Variants in FRYL observed in about 807,000 individuals in gnomAD.
FRYL encodes FRY like transcription coactivator, also known as protein furry homolog-like.
In FRYL, 150 loss-of-function variants were observed where a neutral mutation model predicts 351.2. The ratio of observed to expected loss-of-function variants is 0.43; its 90% CI spans 0.37 to 0.49. The LOEUF (loss-of-function observed/expected upper bound fraction) is 0.49. Ranked by LOEUF, FRYL falls within the 20% of genes least tolerant of loss-of-function variation. The pLI is 0.00. For synonymous variants in FRYL, 1,153 were observed against 1,257.1 expected (o/e 0.92, Z 1.75); for missense variants, 3,036 against 3,619.3 (o/e 0.84, Z 4.13).
intron 3 of FRYL, among the ~76,000 whole-genome samples, chr4:48,658,018 G>A (rs1759606427): frequency 2.6e-5 from 4 of 152,154 alleles, no homozygotes; most frequent in Admixed American, 1.3e-4. Context: ...TAAGCACAGA[G>A]TCAACAGAGG....
intron 15 of FRYL, among the ~76,000 whole-genome samples, chr4:48,594,770 G>A (rs1744252491): frequency 6.6e-6 from 1 of 152,144 alleles, no homozygotes. Context: ...TGGAATCACA[G>A]CATTTTCCCA....
At chr4:48,527,747 A>T in intron 52 of FRYL, 94 bp from the exon 53 acceptor site, 1 of 1,250,000 alleles carries the variant, frequency 8.0e-7, no homozygotes. Context: ...CGCAGGCCTC[A>T]TTCTTCAATG....
At chr4:48,759,798 G>T (rs561134215) in intron 1 of FRYL, among the ~76,000 whole-genome samples, 1 of 152,220 alleles carries the variant, frequency 6.6e-6, no homozygotes, top group South Asian at 2.1e-4. Context: ...CCCCTGTGAT[G>T]ACATTAGGCC....
intron 1 of FRYL, among the ~76,000 whole-genome samples, chr4:48,730,742 T>A (rs1213071517): frequency 4.0e-5 from 6 of 150,534 alleles, no homozygotes; most frequent in African/African-American, 1.5e-4. Flanking sequence ...CACTAAACAC[T>A]AAATACCAGC....
intron 15 of FRYL, among the ~76,000 whole-genome samples, chr4:48,594,495 G>C (rs554465856): frequency 1.3e-5 from 2 of 152,106 alleles, no homozygotes; most frequent in Non-Finnish European, 2.9e-5. Context: ...CTAATTCAAG[G>C]GAGTGGGTAC....
chr4:48,601,862 G>A (rs1452296460), intron 13 of FRYL, among the ~76,000 whole-genome samples, 158 bp downstream of exon 13: 1 of 152,050 alleles, frequency 6.6e-6, no homozygotes, highest in Non-Finnish European at 1.5e-5. Context: ...ATTCCCTATA[G>A]AAGAAATACA....
At chr4:48,759,247 AAG>A (rs1158963229) in intron 1 of FRYL, among the ~76,000 whole-genome samples, 1 of 152,182 alleles carries the variant, frequency 6.6e-6, no homozygotes, top group Admixed American at 6.5e-5. Flanking sequence ...AAAAAAAAGA[AAG>A]AAACAGGCTT....
intron 4 of FRYL, among the ~76,000 whole-genome samples, chr4:48,632,242 G>A (rs2940324): frequency 0.41 from 60,994 of 147,566 alleles, 13,857 homozygotes; most frequent in Admixed American, 0.56. Flanking sequence ...TTTTTAAAAT[G>A]TGCTGTGTGA....
At chr4:48,708,056 G>C (rs557789165) in intron 2 of FRYL, among the ~76,000 whole-genome samples, 3 of 151,784 alleles carry the variant, frequency 2.0e-5, no homozygotes, top group Non-Finnish European at 4.4e-5. Context: ...TTCTGACCTC[G>C]TGATCAGCCT....
At chr4:48,643,853 G>C (rs1164754958) in intron 3 of FRYL, among the ~76,000 whole-genome samples, 1 of 152,104 alleles carries the variant, frequency 6.6e-6, no homozygotes, top group African/African-American at 2.4e-5. Context: ...AAGAAGATCT[G>C]AACATGTGGA....
At position 48,515,322 on chromosome 4, in the gene FRYL, G is replaced by GA. The variant is rs549658093; in HGVS notation, c.7690-48dup. On this transcript the variant is annotated intron_variant, in intron 55 of 63. Coordinates refer to ENST00000358350, the MANE Select transcript of FRYL (RefSeq NM_015030.2). Reference sequence around the variant, plus strand: ...AGTGAACTATAAACACATAAAAAAAGAATTTTACAACACAATAAATAAGTA... The same window carrying GA: ...AGTGAACTATAAACACATAAAAAAAGAAATTTTACAACACAATAAATAAGTA... 1,478 of 1,394,858 alleles carry GA rather than the reference G, an allele frequency of 1.1e-3. 14 individuals are homozygous for GA. The highest frequency in any genetic ancestry group is 6.6e-3 in the Middle Eastern group (34 of 5,164). The allele number at this position is 1,394,858 out of a possible 1,614,324, so 86.4% of individuals were successfully genotyped here.
chr4:48,771,677 C>A (rs770490231), intron 1 of FRYL, among the ~76,000 whole-genome samples: 5 of 152,048 alleles, frequency 3.3e-5, no homozygotes, highest in Non-Finnish European at 7.4e-5. Context: ...GAGTCAAAAA[C>A]CAGAAAAAAA....
intron 23 of FRYL, among the ~76,000 whole-genome samples, 159 bp downstream of exon 23, chr4:48,578,814 G>T (rs552793838): frequency 1.1e-4 from 17 of 152,306 alleles, no homozygotes; most frequent in African/African-American, 4.1e-4. Flanking sequence ...ATGAGACTAT[G>T]TCCTTGACAA....
intron 1 of FRYL, among the ~76,000 whole-genome samples, chr4:48,748,742 C>T (rs555228048): frequency 6.6e-6 from 1 of 152,302 alleles, no homozygotes; most frequent in East Asian, 1.9e-4. Context: ...CCTCATGAAG[C>T]CCAACTGCTA....
At chr4:48,610,649 GTATATATTGTATATATACATATATTATAT>G (rs1162909646) in intron 7 of FRYL, among the ~76,000 whole-genome samples, 68 of 143,266 alleles carry the variant, frequency 4.7e-4, no homozygotes, top group African/African-American at 1.6e-3. Context: ...TAGTATATAT[GTATATATTGTATATATACATATATTATAT>G]TATATATTAT....
At chr4:48,749,198 T>G (rs1436062242) in intron 1 of FRYL, among the ~76,000 whole-genome samples, 1 of 152,088 alleles carries the variant, frequency 6.6e-6, no homozygotes, top group African/African-American at 2.4e-5. Flanking sequence ...CACCATACAT[T>G]TGAAAGAATC....
At chr4:48,728,874 C>A (rs1213099651) in intron 1 of FRYL, among the ~76,000 whole-genome samples, 1 of 152,236 alleles carries the variant, frequency 6.6e-6, no homozygotes, top group African/African-American at 2.4e-5. Flanking sequence ...ACTGGTTGGA[C>A]AGTGGGTGCA....
intron 2 of FRYL, among the ~76,000 whole-genome samples, chr4:48,689,333 T>C (rs1168171973): frequency 6.6e-6 from 1 of 152,248 alleles, no homozygotes; most frequent in Non-Finnish European, 1.5e-5. Context: ...TCTTATACAC[T>C]GATGAATGAA....
At chr4:48,552,017 T>C (rs781760962) in intron 36 of FRYL, among the ~76,000 whole-genome samples, 1 of 152,210 alleles carries the variant, frequency 6.6e-6, no homozygotes, top group African/African-American at 2.4e-5. Flanking sequence ...CTTTCCCCAC[T>C]TCTAGAAGTC....
Sources: gnomAD v4.1 joint callset for allele counts (sites outside exome capture counted in the v4.1 genomes callset) on GRCh38, gnomAD v4.1.1 for gene constraint, MANE v1.5 for transcripts, NCBI Gene and HGNC (gene_info 2026-07-23, HGNC 2026-07-21) for gene names.